The following PTPRD variants were observed in gnomAD, a reference collection of about 807,000 sequenced individuals.
PTPRD encodes the protein protein tyrosine phosphatase receptor type D.
PTPRD carries 34 observed loss-of-function variants against 214.5 expected under a neutral mutation model. The observed-to-expected ratio is 0.16, with a 90% confidence interval of 0.12 to 0.21. The LOEUF is 0.21. Ranked by LOEUF, PTPRD falls within the 10% of genes least tolerant of loss-of-function variation. The probability of loss-of-function intolerance (pLI) is 1.00; values close to 1 mark genes in which losing one functional copy is unlikely to be tolerated. For missense variants in PTPRD, 2,545 were observed against 2,398.7 expected (o/e 1.06, Z -1.27); for synonymous variants, 1,128 against 845.7 (o/e 1.33, Z -5.79).
At chr9:9,383,109 A>G (rs891738685) in intron 9 of PTPRD, among the ~76,000 whole-genome samples, 7 of 152,152 alleles carry the variant, frequency 4.6e-5, no homozygotes, top group African/African-American at 1.7e-4. Flanking sequence ...ATATTTTTAG[A>G]TCAAAATAAC....
chr9:10,444,680 T>C (rs2098786206), intron 2 of PTPRD, among the ~76,000 whole-genome samples: 1 of 151,636 alleles, frequency 6.6e-6, no homozygotes, highest in Non-Finnish European at 1.5e-5. Context: ...TGGAAACTCT[T>C]ATGATTCCAT....
At chr9:10,507,354 A>G (rs896442342) in intron 2 of PTPRD, among the ~76,000 whole-genome samples, 4 of 152,106 alleles carry the variant, frequency 2.6e-5, no homozygotes, top group African/African-American at 9.7e-5. Flanking sequence ...AATCAATATC[A>G]TGAAAATGGC....
At position 10,297,940 on chromosome 9, in the gene PTPRD, T is replaced by C. The variant is rs148253418; in HGVS notation, c.-545+43023A>G. ...CTGCTACTATGGTGGCTATTTCCTA[T>C]GGCATTTCTAAAGCAACACGTCTAA... On this transcript the variant is annotated intron_variant, in intron 3 of 45. Coordinates refer to ENST00000381196, the MANE Select transcript of PTPRD (RefSeq NM_002839.4). Among the ~76,000 whole-genome samples the C allele has an allele frequency of 3.9e-4, 59 of 152,176 alleles. No individual in the cohort carries two copies. The East Asian group carries it at 6.2e-3, about 16-fold the overall frequency.
chr9:9,537,187 C>A (rs1276377148), intron 8 of PTPRD, among the ~76,000 whole-genome samples: 2 of 151,854 alleles, frequency 1.3e-5, no homozygotes, highest in South Asian at 2.1e-4. Flanking sequence ...CTTACCTGTG[C>A]TATTTCATGA....
At chr9:9,932,809 G>A (rs1276370174) in intron 5 of PTPRD, among the ~76,000 whole-genome samples, 2 of 124,368 alleles carry the variant, frequency 1.6e-5, no homozygotes, top group Non-Finnish European at 3.4e-5. Flanking sequence ...AGGAAAAAAT[G>A]TTAAGGGCAG....
chr9:8,880,203 C>G (rs1308960282), intron 11 of PTPRD, among the ~76,000 whole-genome samples: 1 of 151,988 alleles, frequency 6.6e-6, no homozygotes, highest in East Asian at 1.9e-4. Flanking sequence ...AGTTATTTAC[C>G]TAGTGATATT....
intron 3 of PTPRD, among the ~76,000 whole-genome samples, chr9:10,303,637 G>C (rs582823): frequency 0.24 from 37,158 of 151,778 alleles, 5,005 homozygotes; most frequent in African/African-American, 0.37. Flanking sequence ...ATAATCATCT[G>C]TAGGCAAATA....
chr9:10,525,835 T>C (rs2054114742), intron 2 of PTPRD, among the ~76,000 whole-genome samples: 1 of 151,968 alleles, frequency 6.6e-6, no homozygotes, highest in African/African-American at 2.4e-5. Context: ...TCCACTTTGT[T>C]TTTACATTTG....
At chr9:9,203,565 C>T (rs1166699147) in intron 9 of PTPRD, among the ~76,000 whole-genome samples, 1 of 152,118 alleles carries the variant, frequency 6.6e-6, no homozygotes, top group African/African-American at 2.4e-5. Flanking sequence ...CCCACTGTTA[C>T]AGTTCGGGTT....
At chr9:10,124,438 C>G (rs561294439) in intron 3 of PTPRD, among the ~76,000 whole-genome samples, 1 of 152,194 alleles carries the variant, frequency 6.6e-6, no homozygotes, top group South Asian at 2.1e-4. Flanking sequence ...CGTATTCACC[C>G]CACATTTTTT....
intron 3 of PTPRD, among the ~76,000 whole-genome samples, chr9:10,279,912 G>A (rs1201358967): frequency 6.6e-6 from 1 of 152,008 alleles, no homozygotes; most frequent in African/African-American, 2.4e-5. Context: ...CTTTTAACTA[G>A]TAAGAATTCC....
At chr9:8,566,462 T>G (rs1329753962) in intron 14 of PTPRD, among the ~76,000 whole-genome samples, 1 of 152,154 alleles carries the variant, frequency 6.6e-6, no homozygotes, top group East Asian at 1.9e-4. Context: ...AACCCTCCTA[T>G]TTTGATAATA....
chr9:10,180,391 C>T (rs939688044), intron 3 of PTPRD, among the ~76,000 whole-genome samples: 2 of 151,920 alleles, frequency 1.3e-5, no homozygotes, highest in South Asian at 4.2e-4. Flanking sequence ...TCCTACTACT[C>T]TTCCCCTTGT....
At chr9:9,991,715 G>C (rs115164784) in intron 4 of PTPRD, among the ~76,000 whole-genome samples, 3,912 of 152,140 alleles carry the variant, frequency 0.026, 195 homozygotes, top group African/African-American at 0.09. Context: ...AGAAAGAAAA[G>C]ATAGGGATGA....
At chr9:9,878,236 T>C (rs1328259618) in intron 5 of PTPRD, among the ~76,000 whole-genome samples, 1 of 152,188 alleles carries the variant, frequency 6.6e-6, no homozygotes, top group African/African-American at 2.4e-5. Flanking sequence ...GACATTCATT[T>C]AGTCACATAG....
intron 4 of PTPRD, among the ~76,000 whole-genome samples, chr9:9,990,088 C>G (rs1302412293): frequency 6.6e-6 from 1 of 152,188 alleles, no homozygotes; most frequent in African/African-American, 2.4e-5. Flanking sequence ...ATGCCACTTA[C>G]AGGGGAGAGG....
intron 9 of PTPRD, among the ~76,000 whole-genome samples, chr9:9,340,771 C>A (rs73641464): frequency 1.3e-5 from 2 of 152,186 alleles, no homozygotes; most frequent in African/African-American, 4.8e-5. Context: ...GGTAGCTATG[C>A]GAAGTAACAA....
At chr9:10,579,958 T>A (rs1355468321) in intron 2 of PTPRD, among the ~76,000 whole-genome samples, 1 of 152,126 alleles carries the variant, frequency 6.6e-6, no homozygotes, top group Admixed American at 6.5e-5. Flanking sequence ...ATGGGGTTGT[T>A]TTTTGCGTGT....
intron 10 of PTPRD, among the ~76,000 whole-genome samples, chr9:9,170,484 A>C (rs955257538): frequency 3.3e-5 from 5 of 152,154 alleles, no homozygotes; most frequent in African/African-American, 9.6e-5. Context: ...CAGTCAGTTG[A>C]GTCTAATAGC....
Sources: gnomAD v4.1 joint callset for allele counts (sites outside exome capture counted in the v4.1 genomes callset) on GRCh38, gnomAD v4.1.1 for gene constraint, MANE v1.5 for transcripts, NCBI Gene and HGNC (gene_info 2026-07-23, HGNC 2026-07-21) for gene names.